Variants in LPGAT1 observed in about 807,000 individuals in gnomAD.
LPGAT1 encodes lysophosphatidylglycerol acyltransferase 1.
Under a neutral mutation model 47.5 loss-of-function variants are expected in LPGAT1, and 11 were observed. The ratio of observed to expected loss-of-function variants is 0.23; its 90% CI spans 0.15 to 0.38. The LOEUF is 0.38. LPGAT1 is among the 10% of genes least tolerant of loss of function. The pLI, the probability that LPGAT1 is intolerant of heterozygous loss-of-function variation, is 1.00. For synonymous variants in LPGAT1, 138 were observed against 144.2 expected (o/e 0.96, Z 0.31); for missense variants, 293 against 439.0 (o/e 0.67, Z 2.97).
chr1:211,799,291 T>C (rs1307608514), intron 2 of LPGAT1, among the ~76,000 whole-genome samples: 1 of 152,100 alleles, frequency 6.6e-6, no homozygotes, highest in Non-Finnish European at 1.5e-5. Context: ...ATAATCTTAA[T>C]AGCTAACATT....
chr1:211,811,799 G>A (rs1660000211), intron 2 of LPGAT1, among the ~76,000 whole-genome samples: 1 of 94,060 alleles, frequency 1.1e-5, no homozygotes, highest in South Asian at 3.4e-4. Context: ...GACAGAGTGA[G>A]ACTCTGCCAT....
In LPGAT1 at chr1:211,823,592, C is replaced by T. The variant is rs138709917; in HGVS notation, c.238+5467G>A. On this transcript the variant is annotated intron_variant, in intron 2 of 7. Transcript: ENST00000366997. ...ATTACGTCTTGTGCCTATCAGGTAC[C>T]TCCAGGGTACCTGTTCCCACAGATA... is the stretch of plus-strand genomic sequence containing the variant. Among the ~76,000 whole-genome samples, 49 of 152,126 alleles carry T rather than the reference C, an allele frequency of 3.2e-4. 1 individual carries two copies. The South Asian group carries it at 9.1e-3, about 28-fold the overall frequency.
At chr1:211,781,921 G>T (rs914479771) in intron 5 of LPGAT1, among the ~76,000 whole-genome samples, 3 of 151,910 alleles carry the variant, frequency 2.0e-5, no homozygotes, top group Admixed American at 6.6e-5. Context: ...GCCTTTTCCT[G>T]GTGAGAAGGT....
At position 211,782,941 on chromosome 1, in the gene LPGAT1, T is replaced by C. The variant is rs112932153; in HGVS notation, c.727+288A>G. On this transcript the variant is annotated intron_variant, in intron 5 of 7. Coordinates refer to ENST00000366997, the MANE Select transcript of LPGAT1 (RefSeq NM_014873.3). ...TACTACAGAAATAGTTCCACCAATA[T>C]GTAAAGATGTTTATAAGAATGTTTA... Among the ~76,000 whole-genome samples the C allele has an allele frequency of 4.4e-3, 677 of 152,316 alleles. 4 individuals carry two copies. The highest frequency in any genetic ancestry group is 0.016 in the African/African-American group (654 of 41,580).
chr1:211,787,781 T>C (rs2102546757), intron 3 of LPGAT1, 54 bp from the exon 4 acceptor site: 1 of 1,056,958 alleles, frequency 9.5e-7, no homozygotes, highest in Non-Finnish European at 1.4e-6. Flanking sequence ...CTGACTATAG[T>C]TGAGCTGAGT....
At chr1:211,788,420 C>T (rs958601703) in intron 3 of LPGAT1, among the ~76,000 whole-genome samples, 4 of 152,102 alleles carry the variant, frequency 2.6e-5, no homozygotes, top group African/African-American at 7.2e-5. Context: ...CAGTGGCTCA[C>T]GCCTGTAATC....
chr1:211,743,549 G>C lies in LPGAT1; in HGVS notation c.*6350C>G, dbSNP rs1170030832. Reference sequence around the variant, plus strand: ...TACAGCTGACTTCTTAGAGCCAAAAGAGAATTTTTTTCCTTTTAAAAATAC... The same window carrying C: ...TACAGCTGACTTCTTAGAGCCAAAACAGAATTTTTTTCCTTTTAAAAATAC... On this transcript the variant is annotated 3_prime_UTR_variant, in exon 8 of 8. Coordinates refer to ENST00000366997, the MANE Select transcript of LPGAT1 (RefSeq NM_014873.3). 1 of 16,364 alleles carries C rather than the reference G, an allele frequency of 6.1e-5. No individual in the cohort carries two copies. The highest frequency in any genetic ancestry group is 1.0e-4 in the Non-Finnish European group (1 of 9,994). 1.0% of individuals were successfully genotyped at this position (16,364 alleles called of 1,614,324 possible).
chr1:211,792,215 C>T (rs1183648478), intron 3 of LPGAT1: 1 of 151,600 alleles, frequency 6.6e-6, no homozygotes, highest in Non-Finnish European at 1.5e-5. Context: ...TCCATTTCCA[C>T]CCTGGGCTGG....
At chr1:211,771,959 C>A (rs892405972) in intron 6 of LPGAT1, among the ~76,000 whole-genome samples, 1 of 152,042 alleles carries the variant, frequency 6.6e-6, no homozygotes, top group African/African-American at 2.4e-5. Context: ...TTTAGAGAAA[C>A]CCTGTTTCAC....
chr1:211,779,250 G>A (rs1000145537), intron 5 of LPGAT1, among the ~76,000 whole-genome samples: 11 of 152,144 alleles, frequency 7.2e-5, no homozygotes, highest in East Asian at 5.8e-4. Context: ...GATGAACCTC[G>A]AAACAAAGAA....
At chr1:211,801,665 G>A (rs12126667) in intron 2 of LPGAT1, among the ~76,000 whole-genome samples, 12,561 of 149,700 alleles carry the variant, frequency 0.084, 641 homozygotes, top group Admixed American at 0.15. Context: ...CTATAATCAC[G>A]CCACTGCACT....
At chr1:211,776,059 TTTTC>T (rs1452552337) in intron 6 of LPGAT1, among the ~76,000 whole-genome samples, 1 of 152,050 alleles carries the variant, frequency 6.6e-6, no homozygotes, top group Non-Finnish European at 1.5e-5. Context: ...GCTCTTTTTT[TTTTC>T]TTTTAATTAC....
At position 211,783,358 on chromosome 1, in the gene LPGAT1, T is replaced by G; in HGVS notation, c.598A>C (p.Lys200Gln). The change falls in exon 5 of 8, where the codon AAG becomes CAG. Residue 200 changes from lysine to glutamine, a missense_variant. Physicochemically the swap from Lys to Gln is moderately conservative, Grantham distance 53. Transcript: ENST00000366997. The stretch of plus-strand genomic sequence containing the variant: ...GTAAGAAATGGCAAGTTATTTTTCT[T>G]GGCAAATGCCTGACTTGTTTCTCGC... ...KRRETSQAFA[K>Q]KNNLPFLTNV... 6.2e-7 allele frequency: 1 copy of G among 1,614,192 alleles called. No homozygotes were observed. The highest frequency in any genetic ancestry group is 8.5e-7 in the Non-Finnish European group (1 of 1,180,026).
At chr1:211,807,422 T>C (rs1659801959) in intron 2 of LPGAT1, among the ~76,000 whole-genome samples, 1 of 151,870 alleles carries the variant, frequency 6.6e-6, no homozygotes, top group Non-Finnish European at 1.5e-5. Flanking sequence ...AAAATGTATA[T>C]AGAAAAGTCA....
chr1:211,784,316 AC>A (rs2102539985), intron 4 of LPGAT1, among the ~76,000 whole-genome samples: 1 of 152,020 alleles, frequency 6.6e-6, no homozygotes, highest in African/African-American at 2.4e-5. Context: ...ACATGGTGAA[AC>A]CCCGTCTATA....
chr1:211,816,292 C>A (rs916158340), intron 2 of LPGAT1, among the ~76,000 whole-genome samples: 1 of 152,186 alleles, frequency 6.6e-6, no homozygotes, highest in Admixed American at 6.5e-5. Context: ...CTCTCCCACA[C>A]TAACATGTAA....
At chr1:211,783,909 T>C (rs1038994121) in intron 4 of LPGAT1, among the ~76,000 whole-genome samples, 1 of 152,154 alleles carries the variant, frequency 6.6e-6, no homozygotes, top group African/African-American at 2.4e-5. Flanking sequence ...ACTAGTAATA[T>C]GTGTTAGGAA....
intron 6 of LPGAT1, 105 bp downstream of exon 6, chr1:211,778,813 G>A: frequency 1.1e-6 from 1 of 911,128 alleles, no homozygotes; most frequent in Non-Finnish European, 1.5e-6. Flanking sequence ...ATGAACTTGA[G>A]CCAACTATTT....
chr1:211,805,481 T>C (rs911319738), intron 2 of LPGAT1, among the ~76,000 whole-genome samples: 3 of 152,134 alleles, frequency 2.0e-5, no homozygotes, highest in Non-Finnish European at 2.9e-5. Context: ...AGTCAAAAAA[T>C]TGTAAGTAGA....
Sources: gnomAD v4.1 joint callset for allele counts (sites outside exome capture counted in the v4.1 genomes callset) on GRCh38, gnomAD v4.1.1 for gene constraint, MANE v1.5 for transcripts, NCBI Gene and HGNC (gene_info 2026-07-23, HGNC 2026-07-21) for gene names.